MIER2: variants seen among roughly 807,000 people sequenced by gnomAD.
MIER2 encodes MIER family member 2.
Under a neutral mutation model 67.6 loss-of-function variants are expected in MIER2, and 30 were observed. The observed-to-expected ratio is 0.44, with a 90% confidence interval of 0.33 to 0.60. The LOEUF is 0.60. Ranked by LOEUF, MIER2 falls within the 20% of genes least tolerant of loss-of-function variation. The probability of loss-of-function intolerance (pLI) is 0.02; values close to 1 mark genes in which losing one functional copy is unlikely to be tolerated. For missense variants in MIER2, 702 were observed against 745.1 expected, an observed-to-expected ratio of 0.94 and a Z score of 0.67; for synonymous variants, 372 against 312.6, an observed-to-expected ratio of 1.19 and a Z score of -2.00.
chr19:313,358 G>C, intron 8 of MIER2, 134 bp downstream of exon 8: 3 of 1,401,934 alleles, frequency 2.1e-6, no homozygotes, highest in Non-Finnish European at 2.9e-6. Flanking sequence ...AGCTGTTCCA[G>C]TGCCCTGGCC....
rs142985450 is a variant in MIER2, at chr19:327,142, G to A, written c.484C>T (p.Arg162Trp). The A allele has an allele frequency of 1.5e-5, 24 of 1,583,564 alleles. No individual in the cohort carries two copies. The highest frequency in any genetic ancestry group is 2.8e-5 in the African/African-American group (2 of 72,272). The part of the protein sequence containing the change: ...SHEASDLFPN[R>W]SGSRFLADED... ...GGACAGAGTCACCTACATCCACTCC[G>A]GTTAGGGAAGAGGTCGGAGGCCTCG... is the stretch of plus-strand genomic sequence containing the variant. Residue 162 changes from arginine to tryptophan, a missense_variant, in exon 5 of 14, where the codon CGG (arginine) becomes TGG (tryptophan). By Grantham distance (101) the Arg-to-Trp change is moderately radical. This residue lies in a region of MIER2 where 320 missense variants were observed against 292.6 expected (regional missense o/e 1.09). Coordinates refer to ENST00000264819, the MANE Select transcript of MIER2 (RefSeq NM_017550.3).
In MIER2 at chr19:306,682, G is replaced by A. The variant is rs1380126550; in HGVS notation, c.*8C>T. On this transcript the variant is annotated 3_prime_UTR_variant, in exon 14 of 14. Transcript: ENST00000264819. ...GTCTGGGCCGCATACGCCGCCCGCGGCCAGGAGTCAGCAGGTCATCACGTT... is the reference window on the plus strand; with the variant it reads ...GTCTGGGCCGCATACGCCGCCCGCGACCAGGAGTCAGCAGGTCATCACGTT... 75 of 1,556,764 alleles carry A rather than the reference G, an allele frequency of 4.8e-5. No individual in the cohort carries two copies. Among genetic ancestry groups the A allele is most frequent in the Non-Finnish European group, 6.4e-5 (74 of 1,150,192 alleles).
At chr19:328,365 A>C (rs571766122) in intron 3 of MIER2, among the ~76,000 whole-genome samples, 1 of 152,236 alleles carries the variant, frequency 6.6e-6, no homozygotes, top group East Asian at 1.9e-4. Flanking sequence ...CAATATATTA[A>C]AGGGGAAAAA....
chr19:326,443 A>C, intron 6 of MIER2, 64 bp downstream of exon 6: 1 of 1,460,406 alleles, frequency 6.8e-7, no homozygotes, highest in South Asian at 1.1e-5. Flanking sequence ...TCGGGATGCC[A>C]GGTTGGGGAG....
intron 13 of MIER2, 43 bp from the exon 14 acceptor site, chr19:306,754 G>A (rs367661892): frequency 2.3e-4 from 357 of 1,552,804 alleles, no homozygotes; most frequent in Non-Finnish European, 2.8e-4. Context: ...GTGTCAGTGC[G>A]GCCCCACGTG....
intron 6 of MIER2, among the ~76,000 whole-genome samples, chr19:326,290 CCGGA>C (rs1971741832): frequency 7.5e-6 from 1 of 132,734 alleles, no homozygotes; most frequent in Non-Finnish European, 1.6e-5. Flanking sequence ...GAACCACAGT[CCGGA>C]TGCCAGGTTG....
intron 1 of MIER2, among the ~76,000 whole-genome samples, chr19:341,148 G>C (rs1972482620): frequency 6.6e-6 from 1 of 152,200 alleles, no homozygotes; most frequent in Admixed American, 6.5e-5. Context: ...TCTGGGTAGG[G>C]GTCGAGGACA....
chr19:320,795 G>T (rs1032710898), intron 7 of MIER2, among the ~76,000 whole-genome samples: 67 of 152,328 alleles, frequency 4.4e-4, no homozygotes, highest in African/African-American at 1.6e-3. Flanking sequence ...GCCAAAAAAG[G>T]TTGGGAGCCA....
chr19:320,537 G>A (rs1478817261), intron 7 of MIER2, among the ~76,000 whole-genome samples: 1 of 152,194 alleles, frequency 6.6e-6, no homozygotes, highest in Non-Finnish European at 1.5e-5. Context: ...TGGCCGCACA[G>A]CAGGAGGTGA....
chr19:315,387 A>G (rs1402223816), intron 7 of MIER2, among the ~76,000 whole-genome samples: 2 of 152,224 alleles, frequency 1.3e-5, no homozygotes, highest in Non-Finnish European at 2.9e-5. Flanking sequence ...CAAAACAAGA[A>G]CACATCAGAC....
intron 7 of MIER2, among the ~76,000 whole-genome samples, chr19:319,870 T>C (rs1971424869): frequency 6.6e-6 from 1 of 151,988 alleles, no homozygotes; most frequent in African/African-American, 2.4e-5. Flanking sequence ...CAAATAAAAA[T>C]AAAAGGACAG....
intron 13 of MIER2, 146 bp from the exon 14 acceptor site, chr19:306,857 G>C: frequency 9.7e-6 from 13 of 1,341,600 alleles, no homozygotes; most frequent in Non-Finnish European, 1.3e-5. Context: ...GCCCTGAGGG[G>C]AGCTGGTGGC....
chr19:314,107 C>T (rs7253289), intron 7 of MIER2, among the ~76,000 whole-genome samples: 4,347 of 152,306 alleles, frequency 0.029, 212 homozygotes, highest in African/African-American at 0.099. Flanking sequence ...AGGACGCCCC[C>T]GACTCTGCAT....
intron 1 of MIER2, among the ~76,000 whole-genome samples, chr19:338,533 C>T (rs139175730): frequency 2.1e-4 from 32 of 152,258 alleles, no homozygotes; most frequent in African/African-American, 6.7e-4. Context: ...AACACCATGT[C>T]TATCAGAACC....
chr19:313,681 C>T, intron 7 of MIER2, 38 bp from the exon 8 acceptor site: 2 of 1,594,342 alleles, frequency 1.3e-6, no homozygotes, highest in Non-Finnish European at 1.7e-6. Flanking sequence ...TTGCAGGAAC[C>T]CAATCTGCAC....
chr19:307,343 T>C lies in MIER2; in HGVS notation c.1392A>G (p.Pro464=). Residue 464 remains proline (P), a synonymous_variant, in exon 13 of 14, where the codon CCA becomes CCG. Transcript: ENST00000264819. ...CCACGGCCAGCCTTGGGCTGGCGTC[T>C]GGCTCCGGAGCAGTGACAGCTGGCT... is the stretch of plus-strand genomic sequence containing the variant. The part of the protein sequence containing the change: ...SYQPAVTAPE[P]DASPRLAVDF... 6.2e-7 allele frequency: 1 copy of C among 1,604,294 alleles called. No homozygotes were observed. Among genetic ancestry groups the C allele is most frequent in the Non-Finnish European group, 8.5e-7 (1 of 1,176,310 alleles).
At position 327,880 on chromosome 19, in the gene MIER2, T is replaced by C. The variant is rs773314921; in HGVS notation, c.353A>G (p.Asp118Gly). Residue 118 changes from aspartate to glycine, a missense_variant, in exon 4 of 14, where the codon GAC becomes GGC. Asp to Gly is a moderately conservative substitution (Grantham distance 94). Coordinates refer to ENST00000264819, the MANE Select transcript of MIER2 (RefSeq NM_017550.3). ...EGGDVAPNLPDMTLDKEQIAK... is the reference protein window; with the variant it reads ...EGGDVAPNLPGMTLDKEQIAK... ...CTCACTTACTTTGTCCAGGGTCATG[T>C]CTGGGAGGTTCGGGGCCACGTCACC... is the stretch of plus-strand genomic sequence containing the variant. The C allele has an allele frequency of 9.3e-6, 15 of 1,612,438 alleles. No individual in the cohort carries two copies. The highest frequency in any genetic ancestry group is 1.7e-6 in the Non-Finnish European group (2 of 1,179,280).
At chr19:338,312 A>G (rs929367589) in intron 1 of MIER2, among the ~76,000 whole-genome samples, 3 of 152,208 alleles carry the variant, frequency 2.0e-5, no homozygotes, top group Non-Finnish European at 2.9e-5. Flanking sequence ...ATCAATACAT[A>G]AAAATCAATT....
intron 3 of MIER2, among the ~76,000 whole-genome samples, chr19:333,385 C>A (rs1266796088): frequency 1.8e-5 from 1 of 56,306 alleles, no homozygotes; most frequent in Non-Finnish European, 3.0e-5. Flanking sequence ...CTACCTCGGC[C>A]TCCCAAAGTG....
Sources: allele counts gnomAD v4.1 joint callset (sites outside exome capture counted in the v4.1 genomes callset), GRCh38; gene constraint gnomAD v4.1.1; regional missense constraint gnomAD v4.1.1; transcripts MANE v1.5; gene names NCBI Gene and HGNC (gene_info 2026-07-23, HGNC 2026-07-21).